The following DNAAF11 variants were observed in gnomAD, a reference collection of about 807,000 sequenced individuals.
The protein encoded by DNAAF11 is leucine rich repeat containing 6.
DNAAF11 carries 45 observed loss-of-function variants against 60.8 expected under a neutral mutation model. The ratio of observed to expected loss-of-function variants is 0.74; its 90% confidence interval spans 0.58 to 0.95. The LOEUF is 0.95. Ranked by LOEUF, DNAAF11 falls within the 40% of genes least tolerant of loss-of-function variation. The pLI, the probability that DNAAF11 is intolerant of heterozygous loss-of-function variation, is 0.00. For missense variants in DNAAF11, 546 were observed against 546.2 expected (o/e 1.00, Z 0.00); for synonymous variants, 191 against 183.5 (o/e 1.04, Z -0.33).
intron 3 of DNAAF11, among the ~76,000 whole-genome samples, chr8:132,646,291 G>C (rs1822375374): frequency 6.6e-6 from 1 of 152,168 alleles, no homozygotes; most frequent in Admixed American, 6.5e-5. Context: ...AATGCTGAGA[G>C]ATTTTGTCAC....
the DNAAF11 span, among the ~76,000 whole-genome samples, chr8:132,693,083 G>A: frequency 0.29 from 43,550 of 152,084 alleles, 6,561 homozygotes; most frequent in East Asian, 0.38. Context: ...AGGTGGGGAC[G>A]AAGAATGCAG....
At chr8:132,640,263 C>T (rs1013516947) in intron 3 of DNAAF11, among the ~76,000 whole-genome samples, 6 of 152,152 alleles carry the variant, frequency 3.9e-5, no homozygotes, top group Non-Finnish European at 5.9e-5. Context: ...TTATAAACTT[C>T]TCTATACCTT....
intron 1 of DNAAF11, among the ~76,000 whole-genome samples, chr8:132,665,222 T>C (rs1211815185): frequency 6.6e-6 from 1 of 152,008 alleles, no homozygotes; most frequent in Non-Finnish European, 1.5e-5. Flanking sequence ...ATGGCAAACA[T>C]CAGAACAAAA....
the DNAAF11 span, among the ~76,000 whole-genome samples, chr8:132,691,637 C>T: frequency 6.6e-6 from 1 of 152,190 alleles, no homozygotes; most frequent in Non-Finnish European, 1.5e-5. Context: ...CACAGTCTTA[C>T]ATGGCAGCAG....
In DNAAF11 at chr8:132,638,110, G is replaced by A. The variant is rs1821487932; in HGVS notation, c.257-3C>T. 5 of 1,609,982 alleles carry A rather than the reference G, an allele frequency of 3.1e-6. No individual in the cohort carries two copies. The highest frequency in any genetic ancestry group is 1.3e-5 in the African/African-American group (1 of 74,794). Reference sequence around the variant, plus strand: ...AAGTTTTGCCAGCTCTTCACATCCTGTTGAGAAAAATAAAGTGAAAACAAA... The same window carrying A: ...AAGTTTTGCCAGCTCTTCACATCCTATTGAGAAAAATAAAGTGAAAACAAA... On this transcript the variant is annotated splice_polypyrimidine_tract_variant and splice_region_variant and intron_variant, in intron 3 of 11. Transcript: ENST00000620350.
At chr8:132,652,737 A>C (rs1389628395) in intron 3 of DNAAF11, among the ~76,000 whole-genome samples, 1 of 152,174 alleles carries the variant, frequency 6.6e-6, no homozygotes, top group Non-Finnish European at 1.5e-5. Flanking sequence ...TGGGAATTGA[A>C]CAATAAGAAC....
At chr8:132,690,720 G>C in the DNAAF11 span, among the ~76,000 whole-genome samples, 1 of 152,108 alleles carries the variant, frequency 6.6e-6, no homozygotes, top group Admixed American at 6.6e-5. Context: ...CGCCATGACA[G>C]TTTCTCAGGC....
rs184444546 is a variant in DNAAF11, at chr8:132,667,474, T to C, written c.11-5847A>G. On this transcript the variant is annotated intron_variant, in intron 1 of 11. Transcript: ENST00000620350. ...GCATTAATATGTTATCATAAGACTA[T>C]TTCAAGAAAAATGGTATTATAGTAC... 3.0e-3 allele frequency among the ~76,000 whole-genome samples: 457 copies of C among 152,304 alleles called. 1 individual carries two copies. Among genetic ancestry groups the C allele is most frequent in the Non-Finnish European group, 4.9e-3 (332 of 68,018 alleles).
chr8:132,685,892 T>A, the DNAAF11 span, among the ~76,000 whole-genome samples: 3 of 152,190 alleles, frequency 2.0e-5, no homozygotes, highest in Non-Finnish European at 4.4e-5. Flanking sequence ...AGGGTCCCAT[T>A]AATCCAATGA....
At chr8:132,688,102 C>T in the DNAAF11 span, among the ~76,000 whole-genome samples, 7 of 152,092 alleles carry the variant, frequency 4.6e-5, no homozygotes, top group Admixed American at 6.5e-5. Context: ...TCAAATGCTG[C>T]GATAACAGCA....
At chr8:132,651,647 C>G (rs761761799) in intron 3 of DNAAF11, among the ~76,000 whole-genome samples, 3 of 152,136 alleles carry the variant, frequency 2.0e-5, no homozygotes, top group African/African-American at 7.2e-5. Flanking sequence ...TCTAGTGGTA[C>G]ATAAATAAAA....
chr8:132,621,852 T>C (rs993616176), intron 7 of DNAAF11, among the ~76,000 whole-genome samples: 8 of 152,140 alleles, frequency 5.3e-5, no homozygotes, highest in African/African-American at 1.9e-4. Context: ...GTTCTGGACA[T>C]GTAAAAAAGA....
At chr8:132,627,370 A>G (rs75933687) in intron 5 of DNAAF11, among the ~76,000 whole-genome samples, 59 of 152,326 alleles carry the variant, frequency 3.9e-4, no homozygotes, top group Non-Finnish European at 6.8e-4. Context: ...AATGCATATA[A>G]ATGTGTGTAA....
At chr8:132,621,323 G>C (rs118066360) in intron 7 of DNAAF11, among the ~76,000 whole-genome samples, 1 of 152,138 alleles carries the variant, frequency 6.6e-6, no homozygotes. Flanking sequence ...GGTCCAAAAG[G>C]GGTGACAATG....
At chr8:132,603,571 A>G (rs1242213853) in intron 10 of DNAAF11, among the ~76,000 whole-genome samples, 1 of 151,230 alleles carries the variant, frequency 6.6e-6, no homozygotes, top group Non-Finnish European at 1.5e-5. Flanking sequence ...GTTATTGGAG[A>G]CATCAAAGAG....
At chr8:132,601,057 G>T (rs1307428260) in intron 10 of DNAAF11, among the ~76,000 whole-genome samples, 1 of 151,942 alleles carries the variant, frequency 6.6e-6, no homozygotes, top group Non-Finnish European at 1.5e-5. Context: ...AATCTACAAA[G>T]AACTCAAACA....
At chr8:132,672,437 C>T (rs757422075) in intron 1 of DNAAF11, among the ~76,000 whole-genome samples, 1 of 152,128 alleles carries the variant, frequency 6.6e-6, no homozygotes, top group Non-Finnish European at 1.5e-5. Context: ...GAATTTGCAC[C>T]ATGACCTCTC....
At chr8:132,648,218 T>C (rs1822605707) in intron 3 of DNAAF11, among the ~76,000 whole-genome samples, 1 of 152,202 alleles carries the variant, frequency 6.6e-6, no homozygotes, top group Non-Finnish European at 1.5e-5. Context: ...TGCAAACCGA[T>C]AAATATAATC....
Position 132,671,855 on chromosome 8 carries a change from T to A in DNAAF11, c.10+3629A>T, listed in dbSNP as rs376583059. On this transcript the variant is annotated intron_variant, in intron 1 of 11. Coordinates refer to ENST00000620350, the MANE Select transcript of DNAAF11 (RefSeq NM_012472.6). Reference sequence around the variant, plus strand: ...ACAACAATGTAATCTACATCTCACATCATATACAAAAATTGAGTCAAATGA... The same window carrying A: ...ACAACAATGTAATCTACATCTCACAACATATACAAAAATTGAGTCAAATGA... Among the ~76,000 whole-genome samples the A allele has an allele frequency of 1.4e-3, 215 of 151,062 alleles. 2 individuals are homozygous for A. Among genetic ancestry groups the A allele is most frequent in the African/African-American group, 4.9e-3 (203 of 41,220 alleles).
Sources: gnomAD v4.1 joint callset for allele counts (sites outside exome capture counted in the v4.1 genomes callset) on GRCh38, gnomAD v4.1.1 for gene constraint, MANE v1.5 for transcripts, NCBI Gene and HGNC (gene_info 2026-07-23, HGNC 2026-07-21) for gene names.